The following AMOTL1 variants were observed in gnomAD, a reference collection of about 807,000 sequenced individuals.
The protein encoded by AMOTL1 is angiomotin-like protein 1.
Under a neutral mutation model 102.9 loss-of-function variants are expected in AMOTL1, and 45 were observed. The observed-to-expected ratio is 0.44, with a 90% CI of 0.34 to 0.56. The LOEUF is 0.56. Among genes scored for constraint, AMOTL1 ranks in the 20% least tolerant of loss-of-function variants. The pLI is 0.01. For missense variants in AMOTL1, 1,114 were observed against 1,225.6 expected, an observed-to-expected ratio of 0.91 and a Z score of 1.36; for synonymous variants, 481 against 484.7, an observed-to-expected ratio of 0.99 and a Z score of 0.10.
intron 2 of AMOTL1, among the ~76,000 whole-genome samples, chr11:94,795,394 A>G (rs1353965260): frequency 6.6e-6 from 1 of 152,242 alleles, no homozygotes; most frequent in Admixed American, 6.5e-5. Context: ...ATACCTAAAC[A>G]TGTAGGAACT....
At chr11:94,730,145 A>T (rs1950323829) in intron 2 of AMOTL1, among the ~76,000 whole-genome samples, 1 of 152,024 alleles carries the variant, frequency 6.6e-6, no homozygotes, top group Admixed American at 6.6e-5. Flanking sequence ...GCATCTCTTC[A>T]CACCCCATGG....
At chr11:94,851,986 C>T (rs1026087957) in intron 7 of AMOTL1, among the ~76,000 whole-genome samples, 5 of 152,212 alleles carry the variant, frequency 3.3e-5, no homozygotes, top group East Asian at 1.9e-4. Context: ...GCATTGGGTA[C>T]GCCCTGTTCA....
At chr11:94,722,532 A>G (rs1050797007) in intron 1 of AMOTL1, among the ~76,000 whole-genome samples, 63 of 152,304 alleles carry the variant, frequency 4.1e-4, no homozygotes, top group African/African-American at 1.4e-3. Context: ...TATTACAGAT[A>G]GAAAAAATTA....
At chr11:94,736,889 A>G (rs1950446104) in intron 2 of AMOTL1, among the ~76,000 whole-genome samples, 1 of 152,240 alleles carries the variant, frequency 6.6e-6, no homozygotes, top group East Asian at 1.9e-4. Context: ...CTGTGTCTGC[A>G]GTGCCTTGCA....
rs752726273 is a variant in AMOTL1, at chr11:94,876,456, G to GT, written c.*5664dup. 2 of 152,594 alleles carry GT rather than the reference G, an allele frequency of 1.3e-5. No homozygotes were observed. The highest frequency in any genetic ancestry group is 2.9e-5 in the Non-Finnish European group (2 of 68,074). 9.5% of individuals were successfully genotyped at this position (152,594 alleles called of 1,614,324 possible). A position where few individuals can be genotyped will look rare whatever the true frequency, so the allele number is the denominator to read the frequency against. On this transcript the variant is annotated 3_prime_UTR_variant, in exon 13 of 13. Transcript: ENST00000433060. ...CAGCAGACTGGTATCTGGCTGTAACGTTTGACGTCTTCATATTGCCAGTCT... is the reference window on the plus strand; with the variant it reads ...CAGCAGACTGGTATCTGGCTGTAACGTTTTGACGTCTTCATATTGCCAGTCT...
Position 94,714,577 on chromosome 11 carries a change from A to AT in AMOTL1, c.-51+7984dup, listed in dbSNP as rs548724041. The stretch of plus-strand genomic sequence containing the variant: ...TTTAAATAGTTGTAGAGCTGTTCAG[A>AT]TTTTCTATTTCATCTTGGCTGAGTT... On this transcript the variant is annotated intron_variant, in intron 1 of 4. Transcript: ENST00000299004. 3.7e-4 allele frequency among the ~76,000 whole-genome samples: 57 copies of AT among 152,092 alleles called. No homozygotes were observed. In the South Asian group the frequency reaches 0.012, roughly 32 times the overall value.
chr11:94,769,175 C>G (rs562729669), intron 1 of AMOTL1, among the ~76,000 whole-genome samples: 1 of 152,360 alleles, frequency 6.6e-6, no homozygotes, highest in African/African-American at 2.4e-5. Context: ...AGAGTTACAT[C>G]CAGCTCCCGC....
intron 3 of AMOTL1, among the ~76,000 whole-genome samples, chr11:94,818,627 A>G (rs1257186695): frequency 6.6e-6 from 1 of 152,244 alleles, no homozygotes; most frequent in Non-Finnish European, 1.5e-5. Context: ...TATGTTTCAA[A>G]ATAAACTAGA....
intron 4 of AMOTL1, among the ~76,000 whole-genome samples, chr11:94,827,424 T>A (rs1257044453): frequency 6.6e-6 from 1 of 152,226 alleles, no homozygotes; most frequent in Non-Finnish European, 1.5e-5. Flanking sequence ...CATGCCCAGC[T>A]GTCTGAAAAC....
chr11:94,846,428 T>TCAA (rs1952412721), intron 6 of AMOTL1, among the ~76,000 whole-genome samples: 1 of 152,226 alleles, frequency 6.6e-6, no homozygotes, highest in Admixed American at 6.5e-5. Flanking sequence ...GGTACTATTG[T>TCAA]GATGCTTACT....
intron 6 of AMOTL1, among the ~76,000 whole-genome samples, chr11:94,845,000 A>G (rs906876682): frequency 5.3e-5 from 8 of 152,220 alleles, no homozygotes; most frequent in African/African-American, 1.7e-4. Flanking sequence ...GCTGGCTTAC[A>G]GGTTTGCTGT....
chr11:94,768,610 C>G lies in AMOTL1; in HGVS notation c.49+50C>G, dbSNP rs754328962. ...CGGGAGGGCGTCTCCGAGTCTCCCA[C>G]GCGAAGAACCCAGTCGCCCCGGGCT... On this transcript the variant is annotated intron_variant, in intron 1 of 12. Coordinates refer to ENST00000433060, the MANE Select transcript of AMOTL1 (RefSeq NM_130847.3). 4.9e-5 allele frequency: 77 copies of G among 1,561,358 alleles called. No homozygotes were observed. The Middle Eastern group carries it at 6.6e-4, about 13-fold the overall frequency.
chr11:94,729,769 C>T (rs1950317087), intron 2 of AMOTL1, among the ~76,000 whole-genome samples: 1 of 152,154 alleles, frequency 6.6e-6, no homozygotes, highest in African/African-American at 2.4e-5. Context: ...AAGGATATGT[C>T]TCCCATTTGT....
chr11:94,858,010 A>AG (rs770397411), intron 8 of AMOTL1, among the ~76,000 whole-genome samples: 1 of 152,112 alleles, frequency 6.6e-6, no homozygotes, highest in African/African-American at 2.4e-5. Context: ...GACCTGAATT[A>AG]GGGGGGGCTA....
At chr11:94,828,978 C>G (rs1227912433) in intron 4 of AMOTL1, among the ~76,000 whole-genome samples, 1 of 152,050 alleles carries the variant, frequency 6.6e-6, no homozygotes, top group Non-Finnish European at 1.5e-5. Context: ...ATTTATGTTA[C>G]ATAACAATAC....
intron 3 of AMOTL1, among the ~76,000 whole-genome samples, chr11:94,750,465 C>T (rs1309511484): frequency 6.6e-6 from 1 of 152,214 alleles, no homozygotes; most frequent in African/African-American, 2.4e-5. Flanking sequence ...GAGAATGCTA[C>T]TCTCCTGTGC....
chr11:94,736,357 T>C (rs896686000), intron 2 of AMOTL1, among the ~76,000 whole-genome samples: 3 of 152,234 alleles, frequency 2.0e-5, no homozygotes, highest in African/African-American at 7.2e-5. Flanking sequence ...GTTCAAGCGA[T>C]TCTCCTGCTT....
chr11:94,743,648 CTTCTTT>C (rs1452951714), intron 3 of AMOTL1, among the ~76,000 whole-genome samples: 180 of 13,068 alleles, frequency 0.014, no homozygotes, highest in African/African-American at 0.018. Context: ...ACTCACAATA[CTTCTTT>C]TTTTTTTTTT....
intron 1 of AMOTL1, chr11:94,706,742 G>A (rs2135421151): frequency 1.3e-5 from 2 of 152,544 alleles, no homozygotes; most frequent in Middle Eastern, 3.4e-3. Flanking sequence ...ATGGCAGCCG[G>A]TCCCCACCTG....
Sources: allele counts gnomAD v4.1 joint callset (sites outside exome capture counted in the v4.1 genomes callset), GRCh38; gene constraint gnomAD v4.1.1; transcripts MANE v1.5; gene names NCBI Gene and HGNC (gene_info 2026-07-23, HGNC 2026-07-21).